Variants in SLC9C1 observed in about 807,000 individuals in gnomAD.
The protein encoded by SLC9C1 is sodium/hydrogen exchanger 10.
A neutral mutation model predicts 140.9 loss-of-function variants in SLC9C1; 97 were observed. That is an observed-to-expected ratio of 0.69 (90% CI 0.58 to 0.82). The LOEUF (loss-of-function observed/expected upper bound fraction) is 0.82. Ranked by LOEUF, SLC9C1 falls within the 40% of genes least tolerant of loss-of-function variation. The pLI, the probability that SLC9C1 is intolerant of heterozygous loss-of-function variation, is 0.00. For synonymous variants in SLC9C1, 440 were observed against 442.6 expected (o/e 0.99, Z 0.07); for missense variants, 1,340 against 1,389.3 (o/e 0.96, Z 0.56).
chr3:112,263,714 C>G (rs2079839860), intron 9 of SLC9C1, among the ~76,000 whole-genome samples: 1 of 151,854 alleles, frequency 6.6e-6, no homozygotes, highest in Non-Finnish European at 1.5e-5. Flanking sequence ...TTTTCTCACT[C>G]TATGCTATCT....
At chr3:112,195,841 A>G (rs2077757825) in intron 20 of SLC9C1, among the ~76,000 whole-genome samples, 1 of 152,166 alleles carries the variant, frequency 6.6e-6, no homozygotes, top group South Asian at 2.1e-4. Flanking sequence ...AATGCAATCC[A>G]AAGTTAAAAT....
intron 20 of SLC9C1, among the ~76,000 whole-genome samples, chr3:112,189,240 T>C (rs578007477): frequency 2.5e-4 from 38 of 151,672 alleles, no homozygotes; most frequent in South Asian, 2.3e-3. Context: ...TTAATTAGAT[T>C]CCATTTGTCA....
At chr3:112,204,537 A>T in intron 16 of SLC9C1, 134 bp from the exon 17 acceptor site, 1 of 809,578 alleles carries the variant, frequency 1.2e-6, no homozygotes, top group Non-Finnish European at 1.9e-6. Context: ...TCAGGAAACC[A>T]AAATCAAACA....
At chr3:112,203,005 C>T (rs1355723787) in intron 17 of SLC9C1, among the ~76,000 whole-genome samples, 1 of 152,022 alleles carries the variant, frequency 6.6e-6, no homozygotes, top group African/African-American at 2.4e-5. Flanking sequence ...TGCCACTAAT[C>T]TCCAAAGGGT....
chr3:112,290,814 CT>C (rs11412854), intron 1 of SLC9C1, among the ~76,000 whole-genome samples: 19,747 of 137,906 alleles, frequency 0.14, 1,397 homozygotes, highest in African/African-American at 0.18. Context: ...TCTTTTCCTT[CT>C]TTTTTTTTTT....
chr3:112,161,626 C>G (rs1287054709), intron 26 of SLC9C1, among the ~76,000 whole-genome samples: 1 of 151,926 alleles, frequency 6.6e-6, no homozygotes, highest in East Asian at 1.9e-4. Flanking sequence ...TTCCATTGAT[C>G]TATATCTCTG....
At chr3:112,272,109 G>A (rs924133679) in intron 6 of SLC9C1, among the ~76,000 whole-genome samples, 1 of 152,134 alleles carries the variant, frequency 6.6e-6, no homozygotes, top group African/African-American at 2.4e-5. Context: ...TAGGCCACAT[G>A]AGCTCTAGGC....
chr3:112,284,065 C>A (rs530118075), intron 2 of SLC9C1, among the ~76,000 whole-genome samples: 3 of 152,176 alleles, frequency 2.0e-5, no homozygotes, highest in Non-Finnish European at 4.4e-5. Context: ...AGGGACAGGG[C>A]AGCAAAGAAA....
intron 25 of SLC9C1, 58 bp from the exon 26 acceptor site, chr3:112,167,405 T>A: frequency 6.7e-7 from 1 of 1,500,170 alleles, no homozygotes; most frequent in Non-Finnish European, 8.9e-7. Flanking sequence ...ATTAAAAATT[T>A]ACCTAGTAAG....
intron 3 of SLC9C1, 125 bp from the exon 4 acceptor site, chr3:112,278,982 G>A (rs1008476065): frequency 2.3e-6 from 2 of 858,560 alleles, no homozygotes; most frequent in African/African-American, 3.6e-5. Context: ...ACACAAAGGA[G>A]TAAGTGATCG....
At chr3:112,168,500 A>G (rs556745686) in intron 25 of SLC9C1, among the ~76,000 whole-genome samples, 1 of 152,344 alleles carries the variant, frequency 6.6e-6, no homozygotes, top group Admixed American at 6.5e-5. Flanking sequence ...ATTCAGCATC[A>G]GTCTGGCAGA....
chr3:112,265,265 T>A (rs920656110), intron 8 of SLC9C1, among the ~76,000 whole-genome samples: 6 of 152,048 alleles, frequency 3.9e-5, no homozygotes, highest in Admixed American at 1.3e-4. Flanking sequence ...AGTAATATAT[T>A]TGAAGATCCA....
At position 112,151,868 on chromosome 3, in the gene SLC9C1, T is replaced by A; in HGVS notation, c.3513A>T (p.Leu1171=). ...FNCKESPRIN[L]RKVRKE The stretch of plus-strand genomic sequence containing the variant: ...CCAGAGTGGCTTACCTGACTTTCCT[T>A]AGGTTTATTCTAGGGGACTCCTTAC... The change falls in exon 28 of 29, where the codon CTA becomes CTT. Residue 1171 remains leucine, a synonymous_variant. Coordinates refer to ENST00000305815, the MANE Select transcript of SLC9C1 (RefSeq NM_183061.3). The A allele has an allele frequency of 6.2e-7, 1 of 1,612,582 alleles. No individual in the cohort carries two copies. The highest frequency in any genetic ancestry group is 1.1e-5 in the South Asian group (1 of 90,718).
At chr3:112,179,039 TG>T in intron 23 of SLC9C1, among the ~76,000 whole-genome samples, 1 of 152,338 alleles carries the variant, frequency 6.6e-6, no homozygotes, top group African/African-American at 2.4e-5. Context: ...ATGTATGTAA[TG>T]TATGGGTTTT....
chr3:112,180,830 G>A (rs577935679), intron 21 of SLC9C1, among the ~76,000 whole-genome samples, 168 bp from the exon 22 acceptor site: 1 of 152,260 alleles, frequency 6.6e-6, no homozygotes, highest in East Asian at 1.9e-4. Flanking sequence ...CCCCCTCCTG[G>A]GTTCAAGCCA....
At chr3:112,215,299 A>G (rs1199802267) in intron 15 of SLC9C1, among the ~76,000 whole-genome samples, 1 of 152,222 alleles carries the variant, frequency 6.6e-6, no homozygotes, top group East Asian at 1.9e-4. Context: ...AAACTGGCAC[A>G]AGACAGGGAT....
intron 19 of SLC9C1, 27 bp from the exon 20 acceptor site, chr3:112,199,496 TTAAA>T: frequency 6.6e-7 from 1 of 1,516,712 alleles, no homozygotes; most frequent in Non-Finnish European, 8.8e-7. Context: ...TATTTTTAGA[TTAAA>T]TAAGAACATT....
At chr3:112,267,325 C>G (rs1322677325) in intron 7 of SLC9C1, among the ~76,000 whole-genome samples, 1 of 151,814 alleles carries the variant, frequency 6.6e-6, no homozygotes, top group African/African-American at 2.4e-5. Context: ...GCCTGTAATC[C>G]CAGCACTTTG....
At chr3:112,142,985 A>G (rs900356792) in intron 28 of SLC9C1, among the ~76,000 whole-genome samples, 4 of 152,052 alleles carry the variant, frequency 2.6e-5, no homozygotes, top group African/African-American at 9.7e-5. Context: ...AACATGCAAT[A>G]TTTGGTTTTC....
Sources: allele counts gnomAD v4.1 joint callset (sites outside exome capture counted in the v4.1 genomes callset), GRCh38; gene constraint gnomAD v4.1.1; transcripts MANE v1.5; gene names NCBI Gene and HGNC (gene_info 2026-07-23, HGNC 2026-07-21).